The following HS2ST1 variants were observed in gnomAD, a reference collection of about 807,000 sequenced individuals.
The protein encoded by HS2ST1 is heparan sulfate 2-O-sulfotransferase 1, also known as 2-O-sulfotransferase.
A neutral mutation model predicts 42.9 loss-of-function variants in HS2ST1; 18 were observed. That is an observed-to-expected ratio of 0.42 (90% confidence interval 0.29 to 0.62). HS2ST1 has a LOEUF of 0.62. Ranked by LOEUF, HS2ST1 falls within the 20% of genes least tolerant of loss-of-function variation. The pLI is 0.21. For synonymous variants in HS2ST1, 146 were observed against 152.9 expected (o/e 0.95, Z 0.33); for missense variants, 334 against 433.8 (o/e 0.77, Z 2.04).
intron 1 of HS2ST1, among the ~76,000 whole-genome samples, chr1:87,042,137 A>G (rs1235814390): frequency 6.6e-6 from 1 of 152,094 alleles, no homozygotes; most frequent in Non-Finnish European, 1.5e-5. Context: ...AGAAGTGTCA[A>G]TTCAAGTCCT....
At chr1:87,049,150 A>G (rs1650770378) in intron 1 of HS2ST1, among the ~76,000 whole-genome samples, 2 of 151,928 alleles carry the variant, frequency 1.3e-5, no homozygotes, top group African/African-American at 4.8e-5. Context: ...GAGCTTCGTT[A>G]ATTTTTGTGT....
intron 1 of HS2ST1, among the ~76,000 whole-genome samples, chr1:86,952,622 T>G (rs1647557704): frequency 6.6e-6 from 1 of 152,224 alleles, no homozygotes; most frequent in Non-Finnish European, 1.5e-5. Flanking sequence ...GAAAACAACT[T>G]TAATCTCATT....
chr1:86,933,748 G>A (rs1660588529), intron 1 of HS2ST1, among the ~76,000 whole-genome samples: 1 of 149,412 alleles, frequency 6.7e-6, no homozygotes, highest in African/African-American at 2.5e-5. Context: ...GACATAAGGG[G>A]TAAAAAGAAC....
chr1:86,977,752 C>T (rs1308887417), intron 1 of HS2ST1, among the ~76,000 whole-genome samples: 1 of 152,148 alleles, frequency 6.6e-6, no homozygotes, highest in Non-Finnish European at 1.5e-5. Context: ...GCTTTTATGG[C>T]TAACTACTTG....
intron 1 of HS2ST1, among the ~76,000 whole-genome samples, chr1:87,035,703 C>A (rs1650356651): frequency 6.6e-6 from 1 of 152,012 alleles, no homozygotes; most frequent in Non-Finnish European, 1.5e-5. Context: ...AAGAAAGTAT[C>A]CTAAGTATGA....
At chr1:86,966,394 C>G (rs1210668585) in intron 1 of HS2ST1, among the ~76,000 whole-genome samples, 2 of 152,122 alleles carry the variant, frequency 1.3e-5, no homozygotes, top group African/African-American at 2.4e-5. Flanking sequence ...GAATTCTGAA[C>G]AATATTTATA....
intron 1 of HS2ST1, among the ~76,000 whole-genome samples, chr1:87,062,002 T>C (rs1442199210): frequency 6.6e-6 from 1 of 152,092 alleles, no homozygotes; most frequent in Admixed American, 6.5e-5. Context: ...TGTTGTGGTT[T>C]TGATTTGCAT....
chr1:87,056,328 C>G (rs191927610), intron 1 of HS2ST1, among the ~76,000 whole-genome samples: 3 of 152,232 alleles, frequency 2.0e-5, no homozygotes, highest in East Asian at 1.9e-4. Flanking sequence ...ATGTGGCTGC[C>G]CAGTCTTGAA....
chr1:87,095,441 A>G (rs561856763), intron 4 of HS2ST1, among the ~76,000 whole-genome samples: 1 of 152,348 alleles, frequency 6.6e-6, no homozygotes, highest in Admixed American at 6.5e-5. Flanking sequence ...CCGTGGTTAC[A>G]CTTCAAACAC....
rs571900228 is a variant in HS2ST1, at chr1:86,962,000, C to T, written c.124+46840C>T. 3.3e-5 allele frequency among the ~76,000 whole-genome samples: 5 copies of T among 152,172 alleles called. No individual in the cohort carries two copies. The South Asian group carries it at 1.0e-3, about 32-fold the overall frequency. On this transcript the variant is annotated intron_variant, in intron 1 of 6. Coordinates refer to ENST00000370550, the MANE Select transcript of HS2ST1 (RefSeq NM_012262.4). ...TATGTAACTGTTCACCCACTTATCA[C>T]TGATGGACATCTGGTTTATTTTCAT...
chr1:86,992,767 A>G (rs1648996162), intron 1 of HS2ST1, among the ~76,000 whole-genome samples: 1 of 152,216 alleles, frequency 6.6e-6, no homozygotes, highest in African/African-American at 2.4e-5. Flanking sequence ...GATGCACAAG[A>G]CAAAACCGTA....
chr1:86,951,691 G>A (rs1199726), intron 1 of HS2ST1, among the ~76,000 whole-genome samples: 39,819 of 152,080 alleles, frequency 0.26, 6,211 homozygotes, highest in African/African-American at 0.43. Context: ...TAAGACAACA[G>A]TGAGGTTTAG....
At chr1:86,981,272 G>T (rs1222276353) in intron 1 of HS2ST1, among the ~76,000 whole-genome samples, 1 of 152,058 alleles carries the variant, frequency 6.6e-6, no homozygotes, top group Non-Finnish European at 1.5e-5. Flanking sequence ...GATGAGATTT[G>T]GGTTGGGATG....
intron 1 of HS2ST1, among the ~76,000 whole-genome samples, chr1:87,072,030 A>G (rs1651425955): frequency 6.6e-6 from 1 of 152,016 alleles, no homozygotes; most frequent in South Asian, 2.1e-4. Flanking sequence ...TTGAATGTAT[A>G]TTAGAATGTA....
chr1:86,999,852 A>G lies in HS2ST1; in HGVS notation c.125-73082A>G, dbSNP rs186768440. Among the ~76,000 whole-genome samples, 9 of 152,264 alleles carry G rather than the reference A, an allele frequency of 5.9e-5. No homozygotes were observed. In the East Asian group the frequency reaches 1.7e-3, roughly 29 times the overall value. On this transcript the variant is annotated intron_variant, in intron 1 of 6. Transcript: ENST00000370550. ...GGTATGGAATTCACGTCATTAACCC[A>G]ACTTTCTATTTCCACGTTATTTGTA... is the stretch of plus-strand genomic sequence containing the variant.
intron 1 of HS2ST1, among the ~76,000 whole-genome samples, chr1:87,031,240 T>A (rs1650231450): frequency 6.6e-6 from 1 of 152,132 alleles, no homozygotes; most frequent in Admixed American, 6.5e-5. Context: ...GTCACCTGGC[T>A]AAGTCTCAGT....
At chr1:87,012,848 T>C (rs564644138) in intron 1 of HS2ST1, among the ~76,000 whole-genome samples, 100 of 152,342 alleles carry the variant, frequency 6.6e-4, no homozygotes, top group African/African-American at 2.2e-3. Context: ...ACAAAGGGGC[T>C]ACAGGCCCCA....
chr1:87,102,094 G>A (rs779333949), intron 5 of HS2ST1, among the ~76,000 whole-genome samples: 1 of 150,240 alleles, frequency 6.7e-6, no homozygotes. Flanking sequence ...TTTTGCTCTT[G>A]TCGCCCAGGC....
chr1:87,045,373 A>G (rs878952250), intron 1 of HS2ST1: 44 of 1,432,268 alleles, frequency 3.1e-5, no homozygotes, highest in African/African-American at 5.6e-5. Context: ...CTCCCTTTTC[A>G]GAAGATATTA....
Sources: gnomAD v4.1 joint callset for allele counts (sites outside exome capture counted in the v4.1 genomes callset) on GRCh38, gnomAD v4.1.1 for gene constraint, MANE v1.5 for transcripts, NCBI Gene and HGNC (gene_info 2026-07-23, HGNC 2026-07-21) for gene names.